Variants in CREB1 observed in about 807,000 individuals in gnomAD.
CREB1 encodes cAMP responsive element binding protein 1.
CREB1 carries 2 observed loss-of-function variants against 42.0 expected under a neutral mutation model. That is an observed-to-expected ratio of 0.05 (90% CI 0.02 to 0.15). The LOEUF is 0.15. Ranked by LOEUF, CREB1 falls within the 10% of genes least tolerant of loss-of-function variation. The probability of loss-of-function intolerance (pLI) is 1.00; values close to 1 mark genes in which losing one functional copy is unlikely to be tolerated. For missense variants in CREB1, 199 were observed against 388.9 expected (o/e 0.51, Z 4.11); for synonymous variants, 123 against 139.9 (o/e 0.88, Z 0.85).
At chr2:207,572,318 A>G (rs1259331150) in intron 5 of CREB1, among the ~76,000 whole-genome samples, 1 of 152,066 alleles carries the variant, frequency 6.6e-6, no homozygotes, top group East Asian at 1.9e-4. Flanking sequence ...ATATGTACAC[A>G]TGGCTTTGGC....
chr2:207,577,299 G>T lies in CREB1; in HGVS notation c.689-206G>T, dbSNP rs191772298. ...AAAATGTAAGATCCAGCGGACATAG[G>T]TTACTGTAATAAATACATTACATTG... is the stretch of plus-strand genomic sequence containing the variant. On this transcript the variant is annotated intron_variant, in intron 6 of 7. Coordinates refer to ENST00000353267, the MANE Select transcript of CREB1 (RefSeq NM_004379.5). The T allele has an allele frequency of 1.1e-5, 11 of 1,042,812 alleles. No homozygotes were observed. In the African/African-American group the frequency reaches 1.1e-4, roughly 11 times the overall value. 64.6% of individuals were successfully genotyped at this position (1,042,812 alleles called of 1,614,324 possible). A position where few individuals can be genotyped will look rare whatever the true frequency, so the allele number is the denominator to read the frequency against.
intron 1 of CREB1, among the ~76,000 whole-genome samples, chr2:207,538,030 T>C (rs952517438): frequency 2.6e-5 from 4 of 152,240 alleles, no homozygotes; most frequent in African/African-American, 9.6e-5. Flanking sequence ...GGTAATTTTA[T>C]ACAAAATTTT....
chr2:207,572,119 G>A (rs565218425), intron 5 of CREB1, among the ~76,000 whole-genome samples: 16 of 151,794 alleles, frequency 1.1e-4, no homozygotes, highest in Admixed American at 7.2e-4. Flanking sequence ...CCAGCTACTC[G>A]GGAGGCTGAG....
intron 7 of CREB1, among the ~76,000 whole-genome samples, chr2:207,582,580 T>C (rs2083109174): frequency 6.6e-6 from 1 of 152,232 alleles, no homozygotes; most frequent in Non-Finnish European, 1.5e-5. Context: ...TTTTTCTTTT[T>C]AAGCACATCT....
rs2081379518 is a variant in CREB1, at chr2:207,548,502, G to A, written c.-8-7126G>A. ...CCGGTGGCTCACACCTGTAATCCCA[G>A]CACTTTGGGAGGCTGATGCGGGTAG... On this transcript the variant is annotated intron_variant, in intron 1 of 7. Transcript: ENST00000353267. Among the ~76,000 whole-genome samples, 8 of 152,132 alleles carry A rather than the reference G, an allele frequency of 5.3e-5. No individual in the cohort carries two copies. In the South Asian group the frequency reaches 1.7e-3, roughly 31 times the overall value.
In CREB1 at chr2:207,597,110, A is replaced by G. The variant is rs1355609062; in HGVS notation, c.*52A>G. Reference sequence around the variant, plus strand: ...AGGTGGAAAATGGACTGGCTTGGCCACAACCTGAAAGACAAAATAAACATT... The same window carrying G: ...AGGTGGAAAATGGACTGGCTTGGCCGCAACCTGAAAGACAAAATAAACATT... On this transcript the variant is annotated 3_prime_UTR_variant, in exon 8 of 8. Transcript: ENST00000353267. 9.2e-6 allele frequency: 14 copies of G among 1,517,892 alleles called. No homozygotes were observed. The highest frequency in any genetic ancestry group is 1.1e-5 in the Non-Finnish European group (13 of 1,134,024). 94.0% of individuals were successfully genotyped at this position (1,517,892 alleles called of 1,614,324 possible).
chr2:207,579,910 T>G (rs1329147749), intron 7 of CREB1, among the ~76,000 whole-genome samples: 1 of 152,242 alleles, frequency 6.6e-6, no homozygotes, highest in Non-Finnish European at 1.5e-5. Context: ...CTCATTACTC[T>G]AAACTCTTCC....
chr2:207,592,465 C>CTG (rs1244053329), intron 7 of CREB1, among the ~76,000 whole-genome samples: 4 of 151,864 alleles, frequency 2.6e-5, no homozygotes, highest in African/African-American at 4.8e-5. Flanking sequence ...GACAAGAAAT[C>CTG]TGTGTGTATA....
In CREB1 at chr2:207,602,412, A is replaced by ATTT. The variant is rs1559096435; in HGVS notation, c.*5354_*5355insTTT. Reference sequence around the variant, plus strand: ...TTTAATTATTCTCACCAGCAAGTAAAAGGAAAATGAACAATCTTTTGGAAT... The same window carrying ATTT: ...TTTAATTATTCTCACCAGCAAGTAAATTTAGGAAAATGAACAATCTTTTGGAAT... On this transcript the variant is annotated 3_prime_UTR_variant, in exon 8 of 8. Coordinates refer to ENST00000353267, the MANE Select transcript of CREB1 (RefSeq NM_004379.5). 4 of 201,582 alleles carry ATTT rather than the reference A, an allele frequency of 2.0e-5. No homozygotes were observed. Among genetic ancestry groups the ATTT allele is most frequent in the Non-Finnish European group, 3.1e-5 (3 of 98,022 alleles). The allele number at this position is 201,582 out of a possible 1,614,324, so 12.5% of individuals were successfully genotyped here.
chr2:207,590,117 G>A (rs969434841), intron 7 of CREB1, among the ~76,000 whole-genome samples: 12 of 121,982 alleles, frequency 9.8e-5, no homozygotes, highest in African/African-American at 3.4e-4. Flanking sequence ...TAATAGATAC[G>A]GGATCATTCA....
chr2:207,574,449 T>G (rs1166244895), intron 5 of CREB1, among the ~76,000 whole-genome samples: 1 of 152,218 alleles, frequency 6.6e-6, no homozygotes, highest in African/African-American at 2.4e-5. Flanking sequence ...AATTTTTCTA[T>G]GTACTGTAGC....
intron 1 of CREB1, among the ~76,000 whole-genome samples, chr2:207,532,747 A>T (rs1223461864): frequency 6.6e-6 from 1 of 150,380 alleles, no homozygotes; most frequent in African/African-American, 2.4e-5. Context: ...TTTTATTTTT[A>T]TTTTTATTTA....
rs146731645 is a variant in CREB1, at chr2:207,540,294, A to G, written c.-9+10160A>G. On this transcript the variant is annotated intron_variant, in intron 1 of 7. Coordinates refer to ENST00000353267, the MANE Select transcript of CREB1 (RefSeq NM_004379.5). ...GAGGTGGAAGGCTGTGATGTTGACA[A>G]TCTTGACCCTGTGTAGGCCTAGGCT... 1.2e-3 allele frequency among the ~76,000 whole-genome samples: 181 copies of G among 152,266 alleles called. 1 individual carries two copies. The highest frequency in any genetic ancestry group is 6.8e-3 in the Middle Eastern group (2 of 294).
chr2:207,558,395 T>C (rs780208629), intron 2 of CREB1, among the ~76,000 whole-genome samples: 2 of 152,194 alleles, frequency 1.3e-5, no homozygotes, highest in Non-Finnish European at 2.9e-5. Context: ...CCAATTCTCT[T>C]TCAGACATGA....
At chr2:207,543,751 T>A (rs1354237688) in intron 1 of CREB1, among the ~76,000 whole-genome samples, 1 of 151,362 alleles carries the variant, frequency 6.6e-6, no homozygotes, top group Non-Finnish European at 1.5e-5. Flanking sequence ...TACAGGTGCA[T>A]GCCACCACAC....
chr2:207,542,748 TA>T (rs2081145732), intron 1 of CREB1, among the ~76,000 whole-genome samples: 1 of 152,206 alleles, frequency 6.6e-6, no homozygotes, highest in South Asian at 2.1e-4. Context: ...TATAAACATT[TA>T]AAAAATATCT....
intron 1 of CREB1, among the ~76,000 whole-genome samples, chr2:207,540,669 T>TAAAAAAAAAAAAAAAAAAAAA (rs35714520): frequency 5.4e-4 from 35 of 64,250 alleles, no homozygotes; most frequent in South Asian, 7.5e-4. Flanking sequence ...GTTTAAAAAG[T>TAAAAAAAAAAAAAAAAAAAAA]AAAAAAAAAA....
At position 207,582,053 on chromosome 2, in the gene CREB1, A is replaced by C. The variant is rs191779293; in HGVS notation, c.839+4398A>C. 28 of 700,716 alleles carry C rather than the reference A, an allele frequency of 4.0e-5. No individual in the cohort carries two copies. The Admixed American group carries it at 5.6e-4, about 14-fold the overall frequency. 43.4% of individuals were successfully genotyped at this position (700,716 alleles called of 1,614,324 possible). On this transcript the variant is annotated intron_variant, in intron 7 of 7. Transcript: ENST00000353267. ...GAGCACATACATAATTGGCGATATTAACTTTGATCACTTGGTTAAAGTGCT... is the reference window on the plus strand; with the variant it reads ...GAGCACATACATAATTGGCGATATTCACTTTGATCACTTGGTTAAAGTGCT...
intron 1 of CREB1, among the ~76,000 whole-genome samples, chr2:207,540,301 C>A (rs2081043059): frequency 6.6e-6 from 1 of 152,148 alleles, no homozygotes; most frequent in South Asian, 2.1e-4. Context: ...ACAATCTTGA[C>A]CCTGTGTAGG....
Sources: gnomAD v4.1 joint callset for allele counts (sites outside exome capture counted in the v4.1 genomes callset) on GRCh38, gnomAD v4.1.1 for gene constraint, MANE v1.5 for transcripts, NCBI Gene and HGNC (gene_info 2026-07-23, HGNC 2026-07-21) for gene names.